SLCO3A1: variants seen among roughly 807,000 people sequenced by gnomAD.
SLCO3A1 encodes the protein PGE1 transporter.
SLCO3A1 carries 27 observed loss-of-function variants against 63.1 expected under a neutral mutation model. That is an observed-to-expected ratio of 0.43 (90% CI 0.32 to 0.59). The LOEUF is 0.59. SLCO3A1 is among the 20% of genes least tolerant of loss of function. The pLI, the probability that SLCO3A1 is intolerant of heterozygous loss-of-function variation, is 0.09. For synonymous variants in SLCO3A1, 473 were observed against 409.9 expected, an observed-to-expected ratio of 1.15 and a Z score of -1.86; for missense variants, 773 against 945.8, an observed-to-expected ratio of 0.82 and a Z score of 2.40.
intron 2 of SLCO3A1, among the ~76,000 whole-genome samples, chr15:91,958,072 A>G (rs995223734): frequency 2.6e-5 from 4 of 152,218 alleles, no homozygotes; most frequent in Non-Finnish European, 4.4e-5. Flanking sequence ...ATTTGCAACA[A>G]TTTGAGAAAA....
rs892000419 is a variant in SLCO3A1 at position 91,968,545 on chromosome 15, A to G, written c.646+52087A>G. On this transcript the variant is annotated intron_variant, in intron 2 of 9. Coordinates refer to ENST00000318445, the MANE Select transcript of SLCO3A1 (RefSeq NM_013272.4). This position sits in a 1 kb window ranked among gnomAD's most constrained non-coding sequence, Gnocchi z 4.2. ...GGCTCCACAAACCACCGTGGGGACCAGTGGCATCAAATTCTGGTGCTAACA... is the reference window on the plus strand; with the variant it reads ...GGCTCCACAAACCACCGTGGGGACCGGTGGCATCAAATTCTGGTGCTAACA... Among the ~76,000 whole-genome samples, 5 of 152,038 alleles carry G rather than the reference A, an allele frequency of 3.3e-5. No individual in the cohort carries two copies. Among genetic ancestry groups the G allele is most frequent in the African/African-American group, 1.2e-4 (5 of 41,416 alleles).
chr15:92,147,342 AGAG>A (rs1309700412), intron 8 of SLCO3A1, among the ~76,000 whole-genome samples, 183 bp downstream of exon 8: 1 of 152,142 alleles, frequency 6.6e-6, no homozygotes, highest in Admixed American at 6.5e-5. Context: ...CCTCCCACCA[AGAG>A]AAGAAGGCAG....
chr15:92,025,892 T>A (rs777275631), intron 2 of SLCO3A1, among the ~76,000 whole-genome samples: 15 of 152,254 alleles, frequency 9.9e-5, no homozygotes, highest in Middle Eastern at 3.4e-3. Context: ...GGTACACGGG[T>A]TTCTAAGTTA....
At chr15:92,099,508 G>A (rs140414845) in intron 3 of SLCO3A1, among the ~76,000 whole-genome samples, 72 of 152,110 alleles carry the variant, frequency 4.7e-4, no homozygotes, top group African/African-American at 1.7e-3. Flanking sequence ...AACTTGCTTT[G>A]ATCTCCTCTT....
At chr15:91,926,232 G>GTA (rs1437372857) in intron 2 of SLCO3A1, among the ~76,000 whole-genome samples, 2 of 152,150 alleles carry the variant, frequency 1.3e-5, no homozygotes, top group Admixed American at 1.3e-4. Context: ...GCCAAAAGGA[G>GTA]TATCCCCTCT....
rs56396233 is a variant in SLCO3A1, at chr15:91,872,043, G to T, written c.180+17955G>T. 2.2e-3 allele frequency among the ~76,000 whole-genome samples: 339 copies of T among 152,196 alleles called. 1 individual carries two copies. The highest frequency in any genetic ancestry group is 3.9e-3 in the Non-Finnish European group (267 of 67,996). On this transcript the variant is annotated intron_variant, in intron 1 of 9. Transcript: ENST00000318445. The surrounding 1 kb of genome is among the most constrained non-coding windows in gnomAD (Gnocchi z 4.1). The stretch of plus-strand genomic sequence containing the variant: ...GCTTTTCAGAATTACAAAATGGGAT[G>T]ATGAGTTCAAGGGATTGGTCACAAA...
At chr15:92,113,890 C>G (rs570761406) in intron 4 of SLCO3A1, among the ~76,000 whole-genome samples, 1 of 152,360 alleles carries the variant, frequency 6.6e-6, no homozygotes, top group Non-Finnish European at 1.5e-5. Context: ...TTTGAGTCAA[C>G]ATCACCTGTG....
chr15:92,118,837 T>C (rs2047827218), intron 4 of SLCO3A1, among the ~76,000 whole-genome samples: 1 of 152,224 alleles, frequency 6.6e-6, no homozygotes, highest in Non-Finnish European at 1.5e-5. Flanking sequence ...TACTCCACAC[T>C]TTATGATCGC....
chr15:92,025,358 C>T (rs1424006914), intron 2 of SLCO3A1, among the ~76,000 whole-genome samples: 1 of 152,122 alleles, frequency 6.6e-6, no homozygotes, highest in South Asian at 2.1e-4. Context: ...GTGGATGATA[C>T]TTCATAGGGT....
intron 2 of SLCO3A1, among the ~76,000 whole-genome samples, chr15:91,974,265 G>GTTGTTGTTGTTGTTGTTATTATTATTA (rs147991710): frequency 7.0e-6 from 1 of 142,958 alleles, no homozygotes; most frequent in Non-Finnish European, 1.5e-5. Flanking sequence ...TTTCATTATT[G>GTTGTTGTTGTTGTTGTTATTATTATTA]TTATTATTAT....
At chr15:91,958,752 TA>T (rs2151419650) in intron 2 of SLCO3A1, among the ~76,000 whole-genome samples, 1 of 152,160 alleles carries the variant, frequency 6.6e-6, no homozygotes, top group African/African-American at 2.4e-5. Context: ...TGGCCATAAT[TA>T]AAAAGTCAAA....
At chr15:91,969,331 A>T (rs1442646257) in intron 2 of SLCO3A1, among the ~76,000 whole-genome samples, 1 of 150,378 alleles carries the variant, frequency 6.6e-6, no homozygotes, top group Non-Finnish European at 1.5e-5. Context: ...TTTGAGATGA[A>T]TTCTCACTCT....
At position 91,950,591 on chromosome 15, in the gene SLCO3A1, G is replaced by A. The variant is rs1899965640; in HGVS notation, c.646+34133G>A. ...CCGGTCTTTCTAGCCTCCTAAGAAT[G>A]AGGTTCCTAGTTCTTACCTAATTTC... On this transcript the variant is annotated intron_variant, in intron 2 of 9. Coordinates refer to ENST00000318445, the MANE Select transcript of SLCO3A1 (RefSeq NM_013272.4). This position sits in a 1 kb window ranked among gnomAD's most constrained non-coding sequence, Gnocchi z 4.4. Among the ~76,000 whole-genome samples the A allele has an allele frequency of 6.6e-6, 1 of 152,222 alleles. No individual in the cohort carries two copies. Among genetic ancestry groups the A allele is most frequent in the African/African-American group, 2.4e-5 (1 of 41,456 alleles).
At chr15:92,170,466 C>T (rs1436400417), downstream of SLCO3A1, among the ~76,000 whole-genome samples, 4 of 152,168 alleles carry the variant, frequency 2.6e-5, no homozygotes, top group Non-Finnish European at 5.9e-5. Context: ...AACTAAAGCT[C>T]AGCAAATCCA....
chr15:92,062,128 C>G (rs1017919327), intron 2 of SLCO3A1, among the ~76,000 whole-genome samples: 4 of 152,192 alleles, frequency 2.6e-5, no homozygotes, highest in African/African-American at 4.8e-5. Context: ...TGAGGAAGAC[C>G]TGAGTGTTAC....
chr15:91,968,482 C>G lies in SLCO3A1; in HGVS notation c.646+52024C>G, dbSNP rs1389299024. Reference sequence around the variant, plus strand: ...AGGTGTCCTGGCTAGAACAGGGCCTCTAATTTATCATGTCTTCTCACTAGG... The same window carrying G: ...AGGTGTCCTGGCTAGAACAGGGCCTGTAATTTATCATGTCTTCTCACTAGG... On this transcript the variant is annotated intron_variant, in intron 2 of 9. Transcript: ENST00000318445. This position sits in a 1 kb window ranked among gnomAD's most constrained non-coding sequence, Gnocchi z 4.2. 1.3e-5 allele frequency among the ~76,000 whole-genome samples: 2 copies of G among 152,052 alleles called. No homozygotes were observed. Among genetic ancestry groups the G allele is most frequent in the Non-Finnish European group, 2.9e-5 (2 of 68,022 alleles).
At chr15:91,880,389 C>CTGTGTGTGTGTGTGTGTGTGTGTGTG (rs1358208114) in intron 1 of SLCO3A1, among the ~76,000 whole-genome samples, 1 of 103,710 alleles carries the variant, frequency 9.6e-6, no homozygotes, top group African/African-American at 5.6e-5. Flanking sequence ...GCTTCTCTCT[C>CTGTGTGTGTGTGTGTGTGTGTGTGTG]TCTCTCTCTC....
intron 2 of SLCO3A1, among the ~76,000 whole-genome samples, chr15:91,995,150 T>C (rs1052759160): frequency 6.6e-6 from 1 of 152,138 alleles, no homozygotes; most frequent in Non-Finnish European, 1.5e-5. Flanking sequence ...GCTGGCTCTG[T>C]GAAGTATGTG....
At chr15:91,972,722 GC>G (rs1394084675) in intron 2 of SLCO3A1, among the ~76,000 whole-genome samples, 1 of 152,172 alleles carries the variant, frequency 6.6e-6, no homozygotes, top group Admixed American at 6.5e-5. Flanking sequence ...CAGGACAGAG[GC>G]CCAGGGAATG....
Sources: allele counts gnomAD v4.1 joint callset (sites outside exome capture counted in the v4.1 genomes callset), GRCh38; gene constraint gnomAD v4.1.1; non-coding constraint Gnocchi (gnomAD v3.1); transcripts MANE v1.5; gene names NCBI Gene and HGNC (gene_info 2026-07-23, HGNC 2026-07-21).